The following ESR1 variants were observed in gnomAD, a reference collection of about 807,000 sequenced individuals.
The protein encoded by ESR1 is estrogen receptor.
A neutral mutation model predicts 52.7 loss-of-function variants in ESR1; 12 were observed. The ratio of observed to expected loss-of-function variants is 0.23; its 90% CI spans 0.15 to 0.37. The LOEUF (loss-of-function observed/expected upper bound fraction) is 0.37. Among genes scored for constraint, ESR1 ranks in the 10% least tolerant of loss-of-function variants. ESR1 has a pLI of 1.00. For missense variants in ESR1, 584 were observed against 779.7 expected, an observed-to-expected ratio of 0.75 and a Z score of 2.99; for synonymous variants, 305 against 316.8, an observed-to-expected ratio of 0.96 and a Z score of 0.39.
At chr6:152,087,540 T>A (rs902605295) in intron 6 of ESR1, among the ~76,000 whole-genome samples, 6 of 152,164 alleles carry the variant, frequency 3.9e-5, no homozygotes, top group African/African-American at 1.2e-4. Context: ...ATAACCCTCT[T>A]TTATGTGGTC....
intron 3 of ESR1, among the ~76,000 whole-genome samples, chr6:151,904,066 T>C (rs1293152972): frequency 6.6e-6 from 1 of 152,218 alleles, no homozygotes; most frequent in African/African-American, 2.4e-5. Context: ...AAGTCTATTA[T>C]TCAGGTCACA....
At chr6:151,931,715 T>C (rs988655059) in intron 3 of ESR1, among the ~76,000 whole-genome samples, 1 of 147,430 alleles carries the variant, frequency 6.8e-6, no homozygotes, top group African/African-American at 2.5e-5. Context: ...TGGTTTTTTG[T>C]TCTTGCGATA....
intron 3 of ESR1, among the ~76,000 whole-genome samples, chr6:151,908,642 A>T (rs1414818635): frequency 2.0e-5 from 3 of 152,306 alleles, no homozygotes; most frequent in East Asian, 3.9e-4. Flanking sequence ...AAGTTATGTC[A>T]TGATGCAGTA....
intron 2 of ESR1, among the ~76,000 whole-genome samples, chr6:151,857,121 T>C (rs1275662997): frequency 2.0e-5 from 3 of 152,168 alleles, no homozygotes; most frequent in Non-Finnish European, 4.4e-5. Flanking sequence ...CCACCCTCCA[T>C]GTTTGTGGGT....
intron 2 of ESR1, among the ~76,000 whole-genome samples, chr6:151,720,962 A>G (rs780228583): frequency 6.6e-6 from 1 of 152,238 alleles, no homozygotes; most frequent in Non-Finnish European, 1.5e-5. Context: ...AGGTGCTGGT[A>G]ATATAAAGAG....
chr6:151,962,502 A>G (rs1349463140), intron 4 of ESR1, among the ~76,000 whole-genome samples: 2 of 152,092 alleles, frequency 1.3e-5, no homozygotes, highest in Non-Finnish European at 2.9e-5. Flanking sequence ...TCCTTTTCAA[A>G]TGGGATCTTT....
chr6:151,714,864 A>C (rs1298392273), intron 2 of ESR1, among the ~76,000 whole-genome samples: 1 of 152,102 alleles, frequency 6.6e-6, no homozygotes, highest in African/African-American at 2.4e-5. Context: ...TTATGTGTGA[A>C]TTTGATCCTG....
At chr6:151,766,099 C>T (rs1320099816) in intron 2 of ESR1, among the ~76,000 whole-genome samples, 2 of 152,090 alleles carry the variant, frequency 1.3e-5, no homozygotes, top group Non-Finnish European at 2.9e-5. Flanking sequence ...ATAAAATATC[C>T]ATATCCAGTG....
At chr6:151,983,661 C>G (rs903731177) in intron 4 of ESR1, 1 of 151,946 alleles carries the variant, frequency 6.6e-6, no homozygotes, top group Non-Finnish European at 1.5e-5. Flanking sequence ...ACAACATGGC[C>G]CATACAGAAG....
intron 4 of ESR1, among the ~76,000 whole-genome samples, chr6:152,009,683 C>A (rs2042609497): frequency 6.6e-6 from 1 of 152,088 alleles, no homozygotes; most frequent in Non-Finnish European, 1.5e-5. Context: ...TCTTAAAAAG[C>A]TAAAACATCC....
intron 2 of ESR1, among the ~76,000 whole-genome samples, chr6:151,791,399 C>T (rs959557249): frequency 2.6e-5 from 4 of 152,140 alleles, no homozygotes; most frequent in African/African-American, 4.8e-5. Flanking sequence ...ATGTAAGAAG[C>T]GCCTTTGCTC....
intron 5 of ESR1, 53 bp downstream of exon 5, chr6:152,011,847 C>T (rs2042787755): frequency 6.3e-7 from 1 of 1,581,962 alleles, no homozygotes; most frequent in Admixed American, 1.7e-5. Flanking sequence ...GATCATAGTT[C>T]ATTCATGAAA....
At chr6:152,116,746 C>G (rs1292070722) in intron 6 of ESR1, among the ~76,000 whole-genome samples, 1 of 151,098 alleles carries the variant, frequency 6.6e-6, no homozygotes, top group Admixed American at 6.6e-5. Context: ...TTATTTATAT[C>G]TATTTTATTT....
intron 2 of ESR1, among the ~76,000 whole-genome samples, chr6:151,880,021 C>G (rs750702186): frequency 7.2e-5 from 11 of 152,086 alleles, no homozygotes; most frequent in Non-Finnish European, 1.3e-4. Flanking sequence ...CCAAACCAAA[C>G]CAAACCAAAA....
At chr6:152,116,190 T>C (rs183503465) in intron 6 of ESR1, among the ~76,000 whole-genome samples, 1 of 152,326 alleles carries the variant, frequency 6.6e-6, no homozygotes, top group East Asian at 1.9e-4. Context: ...AAGAAGAATG[T>C]ACATACCTTT....
At chr6:151,819,658 C>T (rs1780243325) in intron 1 of ESR1, among the ~76,000 whole-genome samples, 1 of 152,146 alleles carries the variant, frequency 6.6e-6, no homozygotes, top group Non-Finnish European at 1.5e-5. Flanking sequence ...AGGGCTCTCA[C>T]TGAATCTACA....
At chr6:151,918,777 T>G (rs1473190185) in intron 3 of ESR1, among the ~76,000 whole-genome samples, 1 of 152,204 alleles carries the variant, frequency 6.6e-6, no homozygotes, top group Non-Finnish European at 1.5e-5. Context: ...TGTTCCAAAC[T>G]TATATAAGAC....
chr6:152,125,118 T>C (rs1199311791), intron 6 of ESR1: 2 of 854,290 alleles, frequency 2.3e-6, no homozygotes, highest in Non-Finnish European at 3.3e-6. Flanking sequence ...CTGAATGACT[T>C]GCTTCAGATT....
intron 4 of ESR1, among the ~76,000 whole-genome samples, chr6:151,990,313 A>T (rs150342349): frequency 2.0e-5 from 3 of 152,024 alleles, no homozygotes; most frequent in Non-Finnish European, 4.4e-5. Context: ...TAGAAAGAGT[A>T]GTGTTAGCTA....
Sources: gnomAD v4.1 joint callset for allele counts (sites outside exome capture counted in the v4.1 genomes callset) on GRCh38, gnomAD v4.1.1 for gene constraint, MANE v1.5 for transcripts, NCBI Gene and HGNC (gene_info 2026-07-23, HGNC 2026-07-21) for gene names.